The following LRMDA variants were observed in gnomAD, a reference collection of about 807,000 sequenced individuals.
The protein encoded by LRMDA is leucine rich melanocyte differentiation associated.
A neutral mutation model predicts 29.8 loss-of-function variants in LRMDA; 18 were observed. The ratio of observed to expected loss-of-function variants is 0.60; its 90% confidence interval spans 0.42 to 0.90. The LOEUF (loss-of-function observed/expected upper bound fraction) is 0.90. Among genes scored for constraint, LRMDA ranks in the 40% least tolerant of loss-of-function variants. The probability of loss-of-function intolerance (pLI) is 0.00; values close to 1 mark genes in which losing one functional copy is unlikely to be tolerated. For missense variants in LRMDA, 273 were observed against 273.9 expected (o/e 1.00, Z 0.02); for synonymous variants, 125 against 109.4 (o/e 1.14, Z -0.89).
intron 2 of LRMDA, among the ~76,000 whole-genome samples, chr10:75,725,720 T>C (rs1842623534): frequency 6.6e-6 from 1 of 152,202 alleles, no homozygotes; most frequent in Non-Finnish European, 1.5e-5. Context: ...GCTGTTCCTG[T>C]GTAACTTAGT....
chr10:75,981,046 T>G (rs1316788346), intron 2 of LRMDA, among the ~76,000 whole-genome samples: 2 of 152,256 alleles, frequency 1.3e-5, no homozygotes, highest in Non-Finnish European at 2.9e-5. Flanking sequence ...TGTGGGTTGT[T>G]ATAAATGTTA....
intron 6 of LRMDA, among the ~76,000 whole-genome samples, chr10:76,489,739 T>G (rs1052502848): frequency 6.6e-6 from 1 of 151,912 alleles, no homozygotes; most frequent in Non-Finnish European, 1.5e-5. Flanking sequence ...AATATTTAGA[T>G]TATACTGCTT....
intron 2 of LRMDA, among the ~76,000 whole-genome samples, chr10:75,566,690 G>C (rs935704034): frequency 6.6e-6 from 1 of 151,852 alleles, no homozygotes; most frequent in Non-Finnish European, 1.5e-5. Context: ...TAATTTTCTG[G>C]CTGCTTTTTT....
intron 2 of LRMDA, among the ~76,000 whole-genome samples, chr10:75,715,565 CATT>C (rs1187188631): frequency 1.3e-5 from 2 of 152,022 alleles, no homozygotes; most frequent in Non-Finnish European, 2.9e-5. Context: ...ATTCTCATGT[CATT>C]AATAATTCTT....
At chr10:76,217,836 G>A (rs1851757322) in intron 5 of LRMDA, among the ~76,000 whole-genome samples, 1 of 151,920 alleles carries the variant, frequency 6.6e-6, no homozygotes, top group Admixed American at 6.6e-5. Flanking sequence ...TCTTACTTTT[G>A]TCACCTGTTC....
intron 2 of LRMDA, among the ~76,000 whole-genome samples, chr10:75,739,842 A>G (rs996337315): frequency 6.6e-6 from 1 of 152,230 alleles, no homozygotes; most frequent in Non-Finnish European, 1.5e-5. Flanking sequence ...TTTTTGATAC[A>G]TAAAGATTTA....
At chr10:75,534,487 A>AG (rs1839920652) in intron 2 of LRMDA, among the ~76,000 whole-genome samples, 1 of 152,142 alleles carries the variant, frequency 6.6e-6, no homozygotes, top group Non-Finnish European at 1.5e-5. Flanking sequence ...TATATTTGGC[A>AG]GGGGGGGATT....
intron 2 of LRMDA, among the ~76,000 whole-genome samples, chr10:75,567,111 TTCTC>T (rs72521833): frequency 1.3e-5 from 2 of 150,692 alleles, no homozygotes; most frequent in Non-Finnish European, 3.0e-5. Flanking sequence ...AGCTGCTGTC[TTCTC>T]TCTCTCTCTC....
At chr10:75,985,568 C>T (rs1323077) in intron 2 of LRMDA, among the ~76,000 whole-genome samples, 101,408 of 152,140 alleles carry the variant, frequency 0.67, 33,820 homozygotes, top group South Asian at 0.72. Flanking sequence ...GATTTCCTCT[C>T]ACCAGCAGTT....
At chr10:75,865,049 C>G (rs1055124688) in intron 2 of LRMDA, among the ~76,000 whole-genome samples, 2 of 152,118 alleles carry the variant, frequency 1.3e-5, no homozygotes, top group Non-Finnish European at 2.9e-5. Flanking sequence ...TACCCTCTAC[C>G]TGAAAGTACT....
chr10:75,922,839 T>C (rs1846048587), intron 2 of LRMDA, among the ~76,000 whole-genome samples: 1 of 152,238 alleles, frequency 6.6e-6, no homozygotes, highest in Non-Finnish European at 1.5e-5. Context: ...GCTAGACTTT[T>C]TTCTTCCCTA....
chr10:75,940,805 G>C (rs1846378112), intron 2 of LRMDA, among the ~76,000 whole-genome samples: 1 of 151,970 alleles, frequency 6.6e-6, no homozygotes. Flanking sequence ...TGTGTGTGTT[G>C]AGGGGGTGTT....
chr10:76,290,499 T>C (rs578203248), intron 5 of LRMDA, among the ~76,000 whole-genome samples: 8 of 151,056 alleles, frequency 5.3e-5, no homozygotes, highest in Non-Finnish European at 1.2e-4. Flanking sequence ...TTCAGCTCAT[T>C]GTAACCTCTG....
intron 2 of LRMDA, among the ~76,000 whole-genome samples, chr10:75,692,217 AAAATATATAT>A (rs1160295971): frequency 7.3e-4 from 37 of 50,608 alleles, no homozygotes; most frequent in Middle Eastern, 0.016. Context: ...GGAAAAAAAA[AAAATATATAT>A]ATATATATAT....
chr10:75,884,355 C>G (rs1270377660), intron 2 of LRMDA, among the ~76,000 whole-genome samples: 1 of 150,608 alleles, frequency 6.6e-6, no homozygotes, highest in Non-Finnish European at 1.5e-5. Flanking sequence ...AAGGTCTAAA[C>G]TGAAGTAGGA....
chr10:75,888,527 C>G (rs868124031), intron 2 of LRMDA, among the ~76,000 whole-genome samples: 1 of 152,200 alleles, frequency 6.6e-6, no homozygotes, highest in Non-Finnish European at 1.5e-5. Context: ...GCAGACAAAA[C>G]AAGCCATCAG....
intron 5 of LRMDA, among the ~76,000 whole-genome samples, chr10:76,208,018 T>A (rs1201890704): frequency 6.6e-6 from 1 of 152,158 alleles, no homozygotes; most frequent in Admixed American, 6.5e-5. Flanking sequence ...GGCACCTCCC[T>A]CTAGACCTTC....
At chr10:76,380,504 C>T (rs1841576554) in intron 6 of LRMDA, among the ~76,000 whole-genome samples, 1 of 151,768 alleles carries the variant, frequency 6.6e-6, no homozygotes, top group Non-Finnish European at 1.5e-5. Context: ...CCCATCTCTA[C>T]TAAAAATACA....
intron 2 of LRMDA, among the ~76,000 whole-genome samples, chr10:75,688,183 A>G (rs59854395): frequency 0.1 from 15,426 of 152,228 alleles, 930 homozygotes; most frequent in South Asian, 0.22. Flanking sequence ...ATATTTTGTA[A>G]GGCTCTAGTT....
Sources: gnomAD v4.1 joint callset for allele counts (sites outside exome capture counted in the v4.1 genomes callset) on GRCh38, gnomAD v4.1.1 for gene constraint, MANE v1.5 for transcripts, NCBI Gene and HGNC (gene_info 2026-07-23, HGNC 2026-07-21) for gene names.